The following FAIM2 variants were observed in gnomAD, a reference collection of about 807,000 sequenced individuals.
The protein encoded by FAIM2 is protein lifeguard 2.
FAIM2 carries 27 observed loss-of-function variants against 47.4 expected under a neutral mutation model. That is an observed-to-expected ratio of 0.57 (90% CI 0.42 to 0.78). FAIM2 has a LOEUF of 0.78. FAIM2 is among the 30% of genes least tolerant of loss of function. The probability of loss-of-function intolerance (pLI) is 0.00; values close to 1 mark genes in which losing one functional copy is unlikely to be tolerated. For synonymous variants in FAIM2, 156 were observed against 159.3 expected (o/e 0.98, Z 0.16); for missense variants, 311 against 389.4 (o/e 0.80, Z 1.69).
rs1328671910 is a variant in FAIM2 at position 49,866,934 on chromosome 12, G to A, written c.*3570C>T. 1 of 152,380 alleles carries A rather than the reference G, an allele frequency of 6.6e-6. No homozygotes were observed. The highest frequency in any genetic ancestry group is 2.4e-5 in the African/African-American group (1 of 41,442). The allele number at this position is 152,380 out of a possible 1,614,324, so 9.4% of individuals were successfully genotyped here. ...TTGCTTTTATTTTTATCTCCAGTCA[G>A]TCACAGACCCCAGGAAGGTGAGGTC... On this transcript the variant is annotated 3_prime_UTR_variant, in exon 12 of 12. Transcript: ENST00000320634.
rs372179240 is a variant in FAIM2, at chr12:49,868,496, C to T, written c.*2008G>A. 6 of 152,294 alleles carry T rather than the reference C, an allele frequency of 3.9e-5. No individual in the cohort carries two copies. Among genetic ancestry groups the T allele is most frequent in the South Asian group, 2.1e-4 (1 of 4,822 alleles). 9.4% of individuals were successfully genotyped at this position (152,294 alleles called of 1,614,324 possible). On this transcript the variant is annotated 3_prime_UTR_variant, in exon 12 of 12. Coordinates refer to ENST00000320634, the MANE Select transcript of FAIM2 (RefSeq NM_012306.4). Reference sequence around the variant, plus strand: ...ATCTGGCGAGGGGTTTCAGGAAAGACGGGAGGCCGGGTGGCACTGAGGACA... The same window carrying T: ...ATCTGGCGAGGGGTTTCAGGAAAGATGGGAGGCCGGGTGGCACTGAGGACA...
intron 8 of FAIM2, 38 bp downstream of exon 8, chr12:49,890,079 G>T: frequency 6.2e-7 from 1 of 1,606,882 alleles, no homozygotes; most frequent in Non-Finnish European, 8.5e-7. Flanking sequence ...TCCAAGCCTG[G>T]CCTATGGTCC....
At chr12:49,881,631 A>ATGAG (rs1946826768) in intron 11 of FAIM2, among the ~76,000 whole-genome samples, 1 of 152,004 alleles carries the variant, frequency 6.6e-6, no homozygotes, top group South Asian at 2.1e-4. Context: ...GCGACTTTCC[A>ATGAG]TGAGTTTCTA....
intron 10 of FAIM2, 140 bp downstream of exon 10, chr12:49,888,967 G>A: frequency 1.5e-6 from 1 of 667,414 alleles, no homozygotes. Flanking sequence ...TGTGGCAGGT[G>A]CCAGGAGGGG....
intron 11 of FAIM2, among the ~76,000 whole-genome samples, chr12:49,875,669 TTATC>T (rs1212373165): frequency 6.6e-6 from 1 of 152,010 alleles, no homozygotes; most frequent in East Asian, 1.9e-4. Context: ...TGACACACGA[TTATC>T]TATCAACTTT....
chr12:49,879,153 CATGTGT>C (rs1374497394), intron 11 of FAIM2, among the ~76,000 whole-genome samples: 1 of 119,250 alleles, frequency 8.4e-6, no homozygotes, highest in Non-Finnish European at 1.7e-5. Flanking sequence ...TGTGTATGTG[CATGTGT>C]ATGTGTGTGT....
At position 49,897,034 on chromosome 12, in the gene FAIM2, G is replaced by C; in HGVS notation, c.431C>G (p.Ser144Cys). 4 of 1,612,428 alleles carry C rather than the reference G, an allele frequency of 2.5e-6. No homozygotes were observed. Among genetic ancestry groups the C allele is most frequent in the Non-Finnish European group, 3.4e-6 (4 of 1,178,432 alleles). ...VQANPGWYWA[S>C]YAVFFATYLT... The stretch of plus-strand genomic sequence containing the variant: ...CTGGGGACTGAGATATACTCACTAG[G>C]ATGCCCAGTACCAGCCTGGGTTGGC... The change falls in exon 5 of 12, where the codon TCC becomes TGC. Residue 144 changes from serine (S) to cysteine (C), a missense_variant. Physicochemically the swap from Ser to Cys is moderately radical, Grantham distance 112 (BLOSUM62 -1). Transcript: ENST00000320634.
At chr12:49,888,520 G>T (rs1946876843) in intron 10 of FAIM2, among the ~76,000 whole-genome samples, 1 of 152,150 alleles carries the variant, frequency 6.6e-6, no homozygotes, top group Non-Finnish European at 1.5e-5. Context: ...ACCCCAATCT[G>T]CCCCTTCTCC....
At chr12:49,879,566 G>GTA (rs1265855798) in intron 11 of FAIM2, among the ~76,000 whole-genome samples, 4 of 151,700 alleles carry the variant, frequency 2.6e-5, no homozygotes, top group Non-Finnish European at 4.4e-5. Context: ...GTGCATGCAT[G>GTA]TATATGTGCG....
At chr12:49,890,203 G>A in intron 7 of FAIM2, 49 bp from the exon 8 acceptor site, 2 of 1,591,706 alleles carry the variant, frequency 1.3e-6, no homozygotes, top group Non-Finnish European at 1.7e-6. Context: ...AGACGCAGGG[G>A]CCCAGGCACC....
Position 49,884,523 on chromosome 12 carries a change from T to A in FAIM2, c.801+2863A>T, listed in dbSNP as rs115892004. ...CTGATGACAGAGAGAGAGAGAAAAA[T>A]TCCTGGAGAGAACTCCTCAGCCTCT... On this transcript the variant is annotated intron_variant, in intron 11 of 11. Coordinates refer to ENST00000320634, the MANE Select transcript of FAIM2 (RefSeq NM_012306.4). Among the ~76,000 whole-genome samples, 273 of 152,208 alleles carry A rather than the reference T, an allele frequency of 1.8e-3. 2 individuals are homozygous for A. Among genetic ancestry groups the A allele is most frequent in the African/African-American group, 6.0e-3 (251 of 41,520 alleles).
At chr12:49,895,601 T>A (rs1386333903) in intron 5 of FAIM2, among the ~76,000 whole-genome samples, 1 of 152,106 alleles carries the variant, frequency 6.6e-6, no homozygotes, top group Admixed American at 6.5e-5. Flanking sequence ...TGCCTCCCAG[T>A]TCCCCAAGAC....
At chr12:49,898,787 A>G (rs1443182510) in intron 2 of FAIM2, among the ~76,000 whole-genome samples, 2 of 152,090 alleles carry the variant, frequency 1.3e-5, no homozygotes, top group African/African-American at 4.8e-5. Context: ...CTTGGCCTCC[A>G]AAAGTGCTGG....
At chr12:49,888,846 AC>A (rs1946879241) in intron 10 of FAIM2, among the ~76,000 whole-genome samples, 1 of 151,770 alleles carries the variant, frequency 6.6e-6, no homozygotes, top group South Asian at 2.1e-4. Context: ...TCTCACCTCC[AC>A]CCCACAGAGG....
intron 11 of FAIM2, among the ~76,000 whole-genome samples, chr12:49,877,089 A>G (rs906750223): frequency 2.6e-5 from 4 of 152,182 alleles, no homozygotes; most frequent in Non-Finnish European, 4.4e-5. Context: ...GCTCTGAAGA[A>G]CCAGGTCCTG....
chr12:49,898,043 G>C lies in FAIM2; in HGVS notation c.259C>G (p.Leu87Val), dbSNP rs1235420780. 2 of 1,613,908 alleles carry C rather than the reference G, an allele frequency of 1.2e-6. No individual in the cohort carries two copies. Among genetic ancestry groups the C allele is most frequent in the Non-Finnish European group, 1.7e-6 (2 of 1,179,908 alleles). ...TCATCCCAGCTGAAAGTGGTGAAGA[G>C]CTCATGGTCTCCGGTGGGGAAACCG... The part of the protein sequence containing the change: ...DNGFPTGDHE[L>V]FTTFSWDDQK... Residue 87 changes from leucine to valine, a missense_variant, in exon 3 of 12, where the codon CTC becomes GTC. Coordinates refer to ENST00000320634, the MANE Select transcript of FAIM2 (RefSeq NM_012306.4).
At chr12:49,888,396 G>A (rs143629880) in intron 10 of FAIM2, among the ~76,000 whole-genome samples, 1 of 152,316 alleles carries the variant, frequency 6.6e-6, no homozygotes, top group East Asian at 1.9e-4. Flanking sequence ...GTGGGGGACT[G>A]TGTACCATGT....
Position 49,901,143 on chromosome 12 carries a change from G to A in FAIM2, c.198C>T (p.Ala66=). The A allele has an allele frequency of 6.3e-7, 1 of 1,598,840 alleles. No homozygotes were observed. The highest frequency in any genetic ancestry group is 8.5e-7 in the Non-Finnish European group (1 of 1,174,464). The stretch of plus-strand genomic sequence containing the variant: ...TGAAAGACTTACTGGGGTCCACATA[G>A]GCCCAGCTAGGGTGGAGAGGCACCG... ...PTAVPLHPSW[A]YVDPSSSSSY... Residue 66 remains alanine, a synonymous_variant, in exon 2 of 12, where the codon GCC becomes GCT. Coordinates refer to ENST00000320634, the MANE Select transcript of FAIM2 (RefSeq NM_012306.4).
chr12:49,888,082 C>G (rs976023262), intron 10 of FAIM2, among the ~76,000 whole-genome samples: 2 of 152,144 alleles, frequency 1.3e-5, no homozygotes, highest in African/African-American at 4.8e-5. Context: ...TCCATGGGGC[C>G]CTCCTCCAGA....
Sources: gnomAD v4.1 joint callset for allele counts (sites outside exome capture counted in the v4.1 genomes callset) on GRCh38, gnomAD v4.1.1 for gene constraint, MANE v1.5 for transcripts, NCBI Gene and HGNC (gene_info 2026-07-23, HGNC 2026-07-21) for gene names.